The following ROBO2 variants were observed in gnomAD, a reference collection of about 807,000 sequenced individuals.
ROBO2 encodes the protein roundabout homolog 2.
A neutral mutation model predicts 160.8 loss-of-function variants in ROBO2; 53 were observed. That is an observed-to-expected ratio of 0.33 (90% CI 0.26 to 0.41). The LOEUF (loss-of-function observed/expected upper bound fraction) is 0.41, where lower values mean the gene tolerates loss of function less well. Among genes scored for constraint, ROBO2 ranks in the 10% least tolerant of loss-of-function variants. The pLI is 1.00. For synonymous variants in ROBO2, 664 were observed against 611.7 expected, an observed-to-expected ratio of 1.09 and a Z score of -1.26; for missense variants, 1,577 against 1,722.4, an observed-to-expected ratio of 0.92 and a Z score of 1.49.
intron 2 of ROBO2, among the ~76,000 whole-genome samples, chr3:76,598,454 C>T (rs191017677): frequency 6.6e-6 from 1 of 151,962 alleles, no homozygotes; most frequent in Non-Finnish European, 1.5e-5. Context: ...TGGATTAATG[C>T]AGGTAAAATG....
intron 2 of ROBO2, among the ~76,000 whole-genome samples, chr3:76,251,518 G>A (rs1289740547): frequency 6.6e-6 from 1 of 152,064 alleles, no homozygotes; most frequent in Admixed American, 6.6e-5. Context: ...GTCAATTTCT[G>A]TACCGGATCA....
chr3:76,344,164 G>C (rs903589991), intron 2 of ROBO2, among the ~76,000 whole-genome samples: 3 of 151,982 alleles, frequency 2.0e-5, no homozygotes, highest in Non-Finnish European at 4.4e-5. Flanking sequence ...TAATTTATTT[G>C]TTTGAGTTAA....
At chr3:76,643,527 G>T (rs1353785261) in intron 2 of ROBO2, among the ~76,000 whole-genome samples, 1 of 152,066 alleles carries the variant, frequency 6.6e-6, no homozygotes, top group Admixed American at 6.5e-5. Flanking sequence ...ACCTAAGACT[G>T]TTGAAAATGT....
chr3:77,572,126 C>G (rs2093653232), intron 13 of ROBO2, among the ~76,000 whole-genome samples: 1 of 151,790 alleles, frequency 6.6e-6, no homozygotes, highest in Non-Finnish European at 1.5e-5. Context: ...CTCCCTTCAT[C>G]TGGAAACAGC....
chr3:76,212,468 T>C (rs909852032), intron 2 of ROBO2, among the ~76,000 whole-genome samples: 2 of 152,098 alleles, frequency 1.3e-5, no homozygotes, highest in Non-Finnish European at 2.9e-5. Flanking sequence ...TATTTAAACT[T>C]AAGTTCCAGT....
chr3:76,066,807 T>C (rs1410081006), intron 2 of ROBO2, among the ~76,000 whole-genome samples: 1 of 151,884 alleles, frequency 6.6e-6, no homozygotes, highest in Non-Finnish European at 1.5e-5. Context: ...TTTAAGAATT[T>C]AAGAAATAAT....
At chr3:76,662,786 C>G (rs970073572) in intron 2 of ROBO2, among the ~76,000 whole-genome samples, 3 of 152,108 alleles carry the variant, frequency 2.0e-5, no homozygotes, top group Non-Finnish European at 4.4e-5. Context: ...GGAAGGAAAA[C>G]AGTATGGGCA....
At chr3:77,494,506 A>G (rs2086542807) in intron 5 of ROBO2, among the ~76,000 whole-genome samples, 1 of 152,106 alleles carries the variant, frequency 6.6e-6, no homozygotes, top group Non-Finnish European at 1.5e-5. Context: ...TGAACCCGGG[A>G]GGCAGTGGTT....
chr3:76,224,484 C>T (rs376632494), intron 2 of ROBO2, among the ~76,000 whole-genome samples: 9 of 152,196 alleles, frequency 5.9e-5, no homozygotes, highest in East Asian at 1.9e-4. Context: ...TCTTTGGGCT[C>T]GTAATGGATT....
chr3:76,688,692 A>G (rs2092735741), intron 2 of ROBO2, among the ~76,000 whole-genome samples: 1 of 151,838 alleles, frequency 6.6e-6, no homozygotes, highest in Admixed American at 6.6e-5. Flanking sequence ...TATTTATGAA[A>G]ATAAAGCTGT....
chr3:77,220,987 T>C (rs1172154485), intron 2 of ROBO2, among the ~76,000 whole-genome samples: 1 of 152,304 alleles, frequency 6.6e-6, no homozygotes, highest in Non-Finnish European at 1.5e-5. Context: ...AAAGTTAGCA[T>C]TGAGTGTTAA....
chr3:77,578,705 T>C (rs2093832681), intron 15 of ROBO2, among the ~76,000 whole-genome samples: 1 of 152,206 alleles, frequency 6.6e-6, no homozygotes, highest in Non-Finnish European at 1.5e-5. Flanking sequence ...ACAATAATTA[T>C]ATAGATTCTA....
chr3:77,235,536 C>T (rs1310483183), intron 2 of ROBO2, among the ~76,000 whole-genome samples: 24 of 152,178 alleles, frequency 1.6e-4, no homozygotes, highest in Admixed American at 3.9e-4. Flanking sequence ...TACCTTTATA[C>T]ATTCCTTTTT....
chr3:77,230,499 C>T (rs1251320886), intron 2 of ROBO2, among the ~76,000 whole-genome samples: 3 of 152,094 alleles, frequency 2.0e-5, no homozygotes, highest in East Asian at 3.9e-4. Context: ...ATTGGGTGTG[C>T]CAAAGGCAAT....
intron 1 of ROBO2, among the ~76,000 whole-genome samples, chr3:77,048,140 A>G (rs908721781): frequency 1.3e-5 from 2 of 152,226 alleles, no homozygotes; most frequent in Non-Finnish European, 2.9e-5. Context: ...TTTTTATTAG[A>G]TTATTATTCC....
intron 6 of ROBO2, 49 bp from the exon 8 acceptor site, chr3:77,546,285 TTTTA>T (rs2092695077): frequency 1.9e-6 from 3 of 1,597,924 alleles, no homozygotes; most frequent in Non-Finnish European, 2.6e-6. Context: ...CTTGACATAT[TTTTA>T]TTTGTCTATG....
intron 2 of ROBO2, among the ~76,000 whole-genome samples, chr3:76,025,629 A>C (rs900322098): frequency 1.3e-5 from 2 of 151,778 alleles, no homozygotes; most frequent in African/African-American, 2.4e-5. Context: ...ATACATTTGT[A>C]AACTCTAAAA....
At chr3:76,273,900 A>G (rs1426377577) in intron 2 of ROBO2, among the ~76,000 whole-genome samples, 2 of 152,182 alleles carry the variant, frequency 1.3e-5, no homozygotes, top group African/African-American at 4.8e-5. Context: ...GGAGGCTGGA[A>G]CATCCAAGAT....
chr3:77,115,675 GT>G (rs1336198719), intron 2 of ROBO2, among the ~76,000 whole-genome samples: 1 of 152,048 alleles, frequency 6.6e-6, no homozygotes, highest in Non-Finnish European at 1.5e-5. Flanking sequence ...CTGTTGTTTT[GT>G]TTGGGAGTTT....
Sources: gnomAD v4.1 joint callset for allele counts (sites outside exome capture counted in the v4.1 genomes callset) on GRCh38, gnomAD v4.1.1 for gene constraint, MANE v1.5 for transcripts, NCBI Gene and HGNC (gene_info 2026-07-23, HGNC 2026-07-21) for gene names.